Variants in DHX40 observed in about 807,000 individuals in gnomAD.
DHX40 encodes probable ATP-dependent RNA helicase DHX40.
DHX40 carries 28 observed loss-of-function variants against 89.6 expected under a neutral mutation model. That is an observed-to-expected ratio of 0.31 (90% CI 0.23 to 0.43). DHX40 has a LOEUF of 0.43. Among genes scored for constraint, DHX40 ranks in the 20% least tolerant of loss-of-function variants. The pLI, the probability that DHX40 is intolerant of heterozygous loss-of-function variation, is 1.00. For synonymous variants in DHX40, 226 were observed against 283.6 expected (o/e 0.80, Z 2.04); for missense variants, 457 against 844.0 (o/e 0.54, Z 5.68).
At chr17:59,568,800 C>G (rs1314002016) in intron 2 of DHX40, among the ~76,000 whole-genome samples, 1 of 150,860 alleles carries the variant, frequency 6.6e-6, no homozygotes, top group East Asian at 1.9e-4. Flanking sequence ...AGATGCAGCT[C>G]CATTCCCAAA....
At chr17:59,587,221 CTTCT>C (rs2049011823) in intron 11 of DHX40, among the ~76,000 whole-genome samples, 1 of 62,852 alleles carries the variant, frequency 1.6e-5, no homozygotes, top group South Asian at 7.0e-4. Flanking sequence ...TCAAAGACAT[CTTCT>C]TTTTTTTTGT....
At chr17:59,581,777 CAAA>C (rs1240882395) in intron 10 of DHX40, among the ~76,000 whole-genome samples, 1 of 116,110 alleles carries the variant, frequency 8.6e-6, no homozygotes, top group Non-Finnish European at 1.7e-5. Context: ...AAAAAAAAAC[CAAA>C]AAAAGCAAAA....
chr17:59,605,372 GACTATT>G, intron 16 of DHX40, 68 bp from the exon 17 acceptor site: 1 of 1,458,106 alleles, frequency 6.9e-7, no homozygotes, highest in Non-Finnish European at 9.4e-7. Context: ...GAAGGATTTG[GACTATT>G]TGGTTGGTTT....
chr17:59,593,095 G>T (rs2049106035), intron 12 of DHX40, among the ~76,000 whole-genome samples: 1 of 83,276 alleles, frequency 1.2e-5, no homozygotes, highest in African/African-American at 1.3e-4. Context: ...TTCTATTTTT[G>T]AGTAAAGTTG....
At chr17:59,574,759 G>A (rs2048857806) in intron 6 of DHX40, among the ~76,000 whole-genome samples, 2 of 151,762 alleles carry the variant, frequency 1.3e-5, no homozygotes, top group Non-Finnish European at 2.9e-5. Context: ...TCTTCTTTGG[G>A]TGGTGGCATT....
At chr17:59,597,732 C>T (rs1289890867) in intron 12 of DHX40, among the ~76,000 whole-genome samples, 8 of 149,782 alleles carry the variant, frequency 5.3e-5, no homozygotes, top group Non-Finnish European at 7.4e-5. Flanking sequence ...GTCAGGAGAT[C>T]GAGACCATCC....
At chr17:59,602,930 G>C (rs1237842248) in intron 15 of DHX40, among the ~76,000 whole-genome samples, 1 of 152,136 alleles carries the variant, frequency 6.6e-6, no homozygotes, top group East Asian at 1.9e-4. Flanking sequence ...AAGCCAAGTA[G>C]GTTGAGCATA....
At chr17:59,583,421 T>G (rs1438574612) in intron 10 of DHX40, among the ~76,000 whole-genome samples, 2 of 54,378 alleles carry the variant, frequency 3.7e-5, no homozygotes, top group African/African-American at 7.9e-5. Context: ...TAAAATGACT[T>G]TAACAGATTA....
chr17:59,604,703 G>A (rs1567902889), intron 15 of DHX40: 1 of 163,362 alleles, frequency 6.1e-6, no homozygotes, highest in Non-Finnish European at 1.4e-5. Flanking sequence ...ATGCAGCATA[G>A]TATAACATAA....
Position 59,570,627 on chromosome 17 carries a change from A to G in DHX40, c.390A>G (p.Val130=). ...TGAAATGCACTTTGGGATCCAAAGT[A>G]GGATACCAAGTTCGTTTTGATGATT... ...EEMKCTLGSK[V]GYQVRFDDCS... Residue 130 remains valine (V), a synonymous_variant, in exon 3 of 18, where the codon GTA becomes GTG. Transcript: ENST00000251241. 6.2e-7 allele frequency: 1 copy of G among 1,608,944 alleles called. No individual in the cohort carries two copies. Among genetic ancestry groups the G allele is most frequent in the Non-Finnish European group, 8.5e-7 (1 of 1,177,618 alleles).
rs2030752632 is a variant in DHX40 at position 59,604,939 on chromosome 17, T to C, written c.1902-176T>C. 3 of 602,490 alleles carry C rather than the reference T, an allele frequency of 5.0e-6. No homozygotes were observed. In the East Asian group the frequency reaches 8.4e-5, roughly 17 times the overall value. 37.3% of individuals were successfully genotyped at this position (602,490 alleles called of 1,614,324 possible). On this transcript the variant is annotated intron_variant, in intron 15 of 17. Coordinates refer to ENST00000251241, the MANE Select transcript of DHX40 (RefSeq NM_024612.5). ...TGTAGTGACTGTTTAACCTGTATAA[T>C]TAATTTAAGATGAATTGGTAGAGAG...
Position 59,607,924 on chromosome 17 carries a change from T to C in DHX40, c.*752T>C. On this transcript the variant is annotated 3_prime_UTR_variant, in exon 18 of 18. Transcript: ENST00000251241. ...ATATATATATAAGTTCTTTTTTAGC[T>C]GTACCTACGTACTTATATCAGCACC... The C allele has an allele frequency of 6.5e-6, 1 of 153,146 alleles. No homozygotes were observed. The highest frequency in any genetic ancestry group is 1.5e-5 in the Non-Finnish European group (1 of 68,068). 9.5% of individuals were successfully genotyped at this position (153,146 alleles called of 1,614,324 possible).
At chr17:59,595,428 A>T (rs1296911772) in intron 12 of DHX40, among the ~76,000 whole-genome samples, 1 of 152,098 alleles carries the variant, frequency 6.6e-6, no homozygotes, top group African/African-American at 2.4e-5. Context: ...GATTTGTGAC[A>T]CTTTGAAAAA....
chr17:59,577,140 A>T (rs1487669579), intron 7 of DHX40, 126 bp from the exon 8 acceptor site: 3 of 751,040 alleles, frequency 4.0e-6, no homozygotes, highest in Non-Finnish European at 7.0e-6. Context: ...AAGTGCTGGG[A>T]TTACAGGCGT....
In DHX40 at chr17:59,581,795, A is replaced by T. The variant is rs77949906; in HGVS notation, c.1343+1916A>T. ...AAAAAACCAAAAAAAGCAAAAAAAAACCCCAAAACCCACAAATACTCATTG... is the reference window on the plus strand; with the variant it reads ...AAAAAACCAAAAAAAGCAAAAAAAATCCCCAAAACCCACAAATACTCATTG... On this transcript the variant is annotated intron_variant, in intron 10 of 17. Coordinates refer to ENST00000251241, the MANE Select transcript of DHX40 (RefSeq NM_024612.5). 7.5e-5 allele frequency among the ~76,000 whole-genome samples: 9 copies of T among 120,744 alleles called. 2 individuals carry two copies. Among genetic ancestry groups the T allele is most frequent in the African/African-American group, 3.5e-4 (9 of 25,370 alleles). 79.2% of individuals were successfully genotyped at this position (120,744 alleles called of 152,430 possible).
chr17:59,591,717 A>ATG (rs1278345526), intron 12 of DHX40, among the ~76,000 whole-genome samples: 5 of 151,640 alleles, frequency 3.3e-5, no homozygotes, highest in African/African-American at 1.2e-4. Flanking sequence ...CCCTCTATAT[A>ATG]TGTATATATA....
intron 2 of DHX40, among the ~76,000 whole-genome samples, chr17:59,570,282 A>G (rs1232986619): frequency 1.6e-5 from 2 of 123,288 alleles, no homozygotes; most frequent in Admixed American, 9.4e-5. Context: ...CTGGATTTAT[A>G]TTATATATAT....
intron 7 of DHX40, among the ~76,000 whole-genome samples, chr17:59,576,548 A>G (rs1322970040): frequency 6.6e-6 from 1 of 152,112 alleles, no homozygotes; most frequent in African/African-American, 2.4e-5. Flanking sequence ...AAGAACATAG[A>G]TGTGCTATTT....
chr17:59,569,998 T>G (rs1309639003), intron 2 of DHX40, among the ~76,000 whole-genome samples: 2 of 142,292 alleles, frequency 1.4e-5, no homozygotes, highest in East Asian at 3.9e-4. Flanking sequence ...GAGCCGAGAT[T>G]GCGCCATTGC....
Sources: gnomAD v4.1 joint callset for allele counts (sites outside exome capture counted in the v4.1 genomes callset) on GRCh38, gnomAD v4.1.1 for gene constraint, MANE v1.5 for transcripts, NCBI Gene and HGNC (gene_info 2026-07-23, HGNC 2026-07-21) for gene names.